The following CDH13 variants were observed in gnomAD, a reference collection of about 807,000 sequenced individuals.
CDH13 encodes cadherin 13.
Under a neutral mutation model 63.8 loss-of-function variants are expected in CDH13, and 24 were observed. The ratio of observed to expected loss-of-function variants is 0.38; its 90% CI spans 0.27 to 0.53. The LOEUF (loss-of-function observed/expected upper bound fraction) is 0.53. Among genes scored for constraint, CDH13 ranks in the 20% least tolerant of loss-of-function variants. The pLI is 0.85. For synonymous variants in CDH13, 503 were observed against 355.3 expected, an observed-to-expected ratio of 1.42 and a Z score of -4.67; for missense variants, 1,049 against 903.1, an observed-to-expected ratio of 1.16 and a Z score of -2.07.
intron 1 of CDH13, among the ~76,000 whole-genome samples, chr16:82,740,337 C>T (rs552570596): frequency 1.3e-5 from 2 of 152,146 alleles, no homozygotes; most frequent in South Asian, 4.1e-4. Context: ...TGAAACTGGG[C>T]TACATTTAAT....
At chr16:83,218,357 C>T (rs1193497420) in intron 5 of CDH13, among the ~76,000 whole-genome samples, 1 of 152,176 alleles carries the variant, frequency 6.6e-6, no homozygotes, top group Non-Finnish European at 1.5e-5. Context: ...GGGTGCTTTC[C>T]AGATGTCCAT....
intron 2 of CDH13, among the ~76,000 whole-genome samples, chr16:83,011,172 C>G (rs1038871519): frequency 6.6e-6 from 1 of 152,090 alleles, no homozygotes; most frequent in Non-Finnish European, 1.5e-5. Flanking sequence ...CGAAGCCAAG[C>G]AGGTTGTTTG....
At chr16:83,771,224 C>T (rs1273981720) in intron 11 of CDH13, among the ~76,000 whole-genome samples, 6 of 152,086 alleles carry the variant, frequency 3.9e-5, no homozygotes, top group African/African-American at 1.4e-4. Context: ...CAGTTCTGCC[C>T]TCCCTACACC....
chr16:82,729,419 C>T (rs1370780233), intron 1 of CDH13, among the ~76,000 whole-genome samples: 2 of 152,092 alleles, frequency 1.3e-5, no homozygotes, highest in East Asian at 1.9e-4. Flanking sequence ...AAAAACTAGT[C>T]TCGTACATCT....
At chr16:83,535,382 A>G (rs1313882131) in intron 7 of CDH13, among the ~76,000 whole-genome samples, 1 of 152,260 alleles carries the variant, frequency 6.6e-6, no homozygotes, top group East Asian at 1.9e-4. Context: ...TGCTGTGGCC[A>G]CATTGTAGAT....
chr16:83,252,611 GGT>G (rs1905715115), intron 5 of CDH13, among the ~76,000 whole-genome samples: 1 of 152,086 alleles, frequency 6.6e-6, no homozygotes, highest in African/African-American at 2.4e-5. Flanking sequence ...GCTGGCCGTT[GGT>G]GTCTCAGCCA....
At chr16:82,861,055 C>CA (rs1323105841) in intron 2 of CDH13, among the ~76,000 whole-genome samples, 1 of 152,162 alleles carries the variant, frequency 6.6e-6, no homozygotes, top group Non-Finnish European at 1.5e-5. Flanking sequence ...TCTACTGGCA[C>CA]AAGGCTAAAT....
At chr16:83,538,974 G>A (rs548829443) in intron 7 of CDH13, among the ~76,000 whole-genome samples, 5 of 152,214 alleles carry the variant, frequency 3.3e-5, no homozygotes, top group South Asian at 2.1e-4. Flanking sequence ...ATAAACAGTG[G>A]TCTATTCTGA....
chr16:83,512,996 GTATTTCGC>G (rs2074608960), intron 7 of CDH13, among the ~76,000 whole-genome samples: 1 of 149,022 alleles, frequency 6.7e-6, no homozygotes, highest in South Asian at 2.2e-4. Flanking sequence ...AATCCAGGAA[GTATTTCGC>G]AGATTGGGAA....
At chr16:83,347,118 G>T (rs1467284592) in intron 6 of CDH13, among the ~76,000 whole-genome samples, 1 of 152,184 alleles carries the variant, frequency 6.6e-6, no homozygotes, top group South Asian at 2.1e-4. Flanking sequence ...AGAGTTGCAG[G>T]CAAGATGGCC....
intron 5 of CDH13, among the ~76,000 whole-genome samples, chr16:83,306,703 T>G (rs2089888251): frequency 6.6e-6 from 1 of 152,114 alleles, no homozygotes; most frequent in Admixed American, 6.5e-5. Context: ...GATAGGAGAT[T>G]AGGCTGGAGG....
At chr16:83,426,520 C>CACAT (rs889845674) in intron 6 of CDH13, among the ~76,000 whole-genome samples, 2 of 151,480 alleles carry the variant, frequency 1.3e-5, no homozygotes, top group African/African-American at 4.9e-5. Flanking sequence ...CACACACACA[C>CACAT]ACACACACAC....
rs367637876 is a variant in CDH13 at position 83,670,798 on chromosome 16, C to T, written c.1110C>T (p.Ala370=). Residue 370 remains alanine, a synonymous_variant, in exon 9 of 14, where the codon GCC becomes GCT. Coordinates refer to ENST00000567109, the MANE Select transcript of CDH13 (RefSeq NM_001257.5). ...ATCTGCTTTGTTTGCAGTTTCAAGC[C>T]ACAGTCGAGGAAGGAGCTGTGGGAG... The part of the protein sequence containing the change: ...SPKFTKKEFQ[A]TVEEGAVGVI... The T allele has an allele frequency of 6.2e-7, 1 of 1,613,778 alleles. No individual in the cohort carries two copies. Among genetic ancestry groups the T allele is most frequent in the African/African-American group, 1.3e-5 (1 of 74,898 alleles).
intron 3 of CDH13, among the ~76,000 whole-genome samples, chr16:83,102,792 T>C (rs12933369): frequency 0.44 from 67,369 of 151,522 alleles, 15,196 homozygotes; most frequent in Middle Eastern, 0.63. Context: ...GGGTAAGAAA[T>C]AGTTATATTG....
intron 7 of CDH13, among the ~76,000 whole-genome samples, chr16:83,541,198 C>T (rs951465593): frequency 2.7e-4 from 41 of 152,250 alleles, no homozygotes; most frequent in African/African-American, 9.6e-4. Context: ...GCATCTAACC[C>T]TGCTGCCTGT....
At chr16:82,639,436 C>G (rs550740563) in intron 1 of CDH13, 11 of 1,535,236 alleles carry the variant, frequency 7.2e-6, no homozygotes, top group African/African-American at 2.7e-5. Flanking sequence ...GATGCCTGGG[C>G]GTGACCCACC....
chr16:83,491,358 T>G (rs1215558811), intron 7 of CDH13, among the ~76,000 whole-genome samples: 1 of 152,220 alleles, frequency 6.6e-6, no homozygotes, highest in African/African-American at 2.4e-5. Flanking sequence ...ATAGCCATAC[T>G]TAGCCCCCCA....
At chr16:83,037,638 C>T (rs979023055) in intron 3 of CDH13, among the ~76,000 whole-genome samples, 2 of 152,052 alleles carry the variant, frequency 1.3e-5, no homozygotes, top group East Asian at 1.9e-4. Context: ...TTTATATGCT[C>T]CTAGGGACAT....
chr16:83,461,200 ATATAGGTACATATACACAT>A (rs2073173125), intron 6 of CDH13, among the ~76,000 whole-genome samples: 2 of 152,220 alleles, frequency 1.3e-5, no homozygotes. Context: ...GCATGTGTGT[ATATAGGTACATATACACAT>A]ACATGTATAT....
Sources: gnomAD v4.1 joint callset for allele counts (sites outside exome capture counted in the v4.1 genomes callset) on GRCh38, gnomAD v4.1.1 for gene constraint, MANE v1.5 for transcripts, NCBI Gene and HGNC (gene_info 2026-07-23, HGNC 2026-07-21) for gene names.